The following SEC22A variants were observed in gnomAD, a reference collection of about 807,000 sequenced individuals.
SEC22A encodes the protein vesicle-trafficking protein SEC22a.
SEC22A carries 22 observed loss-of-function variants against 35.3 expected under a neutral mutation model. The observed-to-expected ratio is 0.62, with a 90% confidence interval of 0.45 to 0.89. SEC22A has a LOEUF of 0.89. Ranked by LOEUF, SEC22A falls within the 40% of genes least tolerant of loss-of-function variation. The pLI is 0.00. For missense variants in SEC22A, 354 were observed against 362.5 expected, an observed-to-expected ratio of 0.98 and a Z score of 0.19; for synonymous variants, 119 against 129.5, an observed-to-expected ratio of 0.92 and a Z score of 0.55.
At chr3:123,209,536 A>G (rs2108028069) in intron 2 of SEC22A, 137 bp downstream of exon 2, 1 of 667,128 alleles carries the variant, frequency 1.5e-6, no homozygotes, top group Non-Finnish European at 2.5e-6. Context: ...AACTTATACT[A>G]AATAGTCATC....
chr3:123,216,404 CATG>C (rs1426991072), intron 2 of SEC22A, among the ~76,000 whole-genome samples: 10 of 152,196 alleles, frequency 6.6e-5, no homozygotes, highest in Non-Finnish European at 1.5e-4. Flanking sequence ...CCAAGTCTCT[CATG>C]GTGTAATTAC....
rs753986985 is a variant in SEC22A at position 123,225,231 on chromosome 3, G to T, written c.475G>T (p.Gly159Trp). The T allele has an allele frequency of 6.2e-7, 1 of 1,613,594 alleles. No individual in the cohort carries two copies. The highest frequency in any genetic ancestry group is 2.2e-5 in the East Asian group (1 of 44,882). Residue 159 changes from glycine (G) to tryptophan (W), a missense_variant, in exon 4 of 7, where the codon GGG becomes TGG. By Grantham distance (184) the Gly-to-Trp change is radical (BLOSUM62 -2). Transcript: ENST00000492595. ...TTATCAAATTTCCATGTGCGAACTG[G>T]GGTCAGCCAATGGAGTCACATCAGC... ...PPYQISMCEL[G>W]SANGVTSAFS... is the part of the protein sequence containing the mutation.
Position 123,209,258 on chromosome 3 carries a change from A to T in SEC22A, c.41A>T (p.Asp14Val). 6.2e-7 allele frequency: 1 copy of T among 1,614,084 alleles called. No individual in the cohort carries two copies. Among genetic ancestry groups the T allele is most frequent in the Non-Finnish European group, 8.5e-7 (1 of 1,179,982 alleles). Reference protein sequence around the residue: ...ILSASVIRVRDGLPLSASTDY... With the variant: ...ILSASVIRVRVGLPLSASTDY... ...TCTGCCTCAGTCATTCGTGTCAGAG[A>T]TGGACTGCCACTTTCTGCTTCTACT... Residue 14 changes from aspartate to valine, a missense_variant, in exon 2 of 7, where the codon GAT becomes GTT. Physicochemically the swap from Asp to Val is radical, Grantham distance 152. Transcript: ENST00000492595.
rs74803042 is a variant in SEC22A, at chr3:123,223,255, A to G, written c.183-304A>G. Among the ~76,000 whole-genome samples the G allele has an allele frequency of 9.2e-5, 14 of 152,322 alleles. No homozygotes were observed. The East Asian group carries it at 2.7e-3, about 29-fold the overall frequency. On this transcript the variant is annotated intron_variant, in intron 2 of 6. Transcript: ENST00000492595. ...AGGGTTAGACTTTAAGCTATCTGTA[A>G]TACTTACAATACATTTGTATATCCA...
intron 2 of SEC22A, among the ~76,000 whole-genome samples, chr3:123,212,279 A>G (rs914571081): frequency 1.1e-4 from 17 of 152,170 alleles, no homozygotes; most frequent in African/African-American, 3.9e-4. Context: ...GGGGTTTCTG[A>G]GGGTTTAATT....
At chr3:123,237,646 C>T (rs1471148087) in intron 4 of SEC22A, among the ~76,000 whole-genome samples, 1 of 152,002 alleles carries the variant, frequency 6.6e-6, no homozygotes, top group African/African-American at 2.4e-5. Flanking sequence ...AAAATATATC[C>T]GTTCGTTAAT....
chr3:123,215,710 G>A (rs551435661), intron 2 of SEC22A, among the ~76,000 whole-genome samples: 75 of 152,210 alleles, frequency 4.9e-4, no homozygotes, highest in Admixed American at 2.9e-3. Context: ...TTGGATTCAG[G>A]CATCGCATTA....
chr3:123,249,505 G>A (rs952532365), intron 5 of SEC22A, among the ~76,000 whole-genome samples: 1 of 151,752 alleles, frequency 6.6e-6, no homozygotes, highest in African/African-American at 2.4e-5. Flanking sequence ...GTCAGATACT[G>A]TTTTTTATCA....
chr3:123,263,406 G>A (rs1416311518), intron 6 of SEC22A, among the ~76,000 whole-genome samples: 2 of 152,172 alleles, frequency 1.3e-5, no homozygotes, highest in Non-Finnish European at 2.9e-5. Flanking sequence ...TGGGGGCTCC[G>A]CCCTCATGAC....
At chr3:123,266,472 A>G (rs1938029231) in intron 6 of SEC22A, among the ~76,000 whole-genome samples, 1 of 151,822 alleles carries the variant, frequency 6.6e-6, no homozygotes, top group Non-Finnish European at 1.5e-5. Context: ...ATAAATTTTG[A>G]TATGTTTTAT....
At chr3:123,243,130 C>G (rs1277821564) in intron 4 of SEC22A, among the ~76,000 whole-genome samples, 1 of 151,976 alleles carries the variant, frequency 6.6e-6, no homozygotes, top group African/African-American at 2.4e-5. Flanking sequence ...TAGCAATGCC[C>G]TATAGCAGAA....
chr3:123,203,276 C>T (rs917038084), intron 1 of SEC22A, among the ~76,000 whole-genome samples: 2 of 151,754 alleles, frequency 1.3e-5, no homozygotes, highest in African/African-American at 2.4e-5. Flanking sequence ...GCTTTCTGGG[C>T]TTGAATTTCC....
At chr3:123,265,665 T>C (rs2108107420) in intron 6 of SEC22A, among the ~76,000 whole-genome samples, 1 of 152,316 alleles carries the variant, frequency 6.6e-6, no homozygotes, top group Non-Finnish European at 1.5e-5. Context: ...TTTCTAGACC[T>C]TTTATTATAG....
intron 1 of SEC22A, among the ~76,000 whole-genome samples, chr3:123,202,716 T>C (rs1037276327): frequency 1.2e-4 from 19 of 152,236 alleles, no homozygotes; most frequent in African/African-American, 4.1e-4. Flanking sequence ...ATCATCCACC[T>C]GGGGCAGGGG....
Position 123,273,988 on chromosome 3 carries a change from GCAAGAA to G in SEC22A, c.*2269_*2274del, listed in dbSNP as rs1371773689. ...AATGTTTGGTATTCGGATACATTCAGCAAGAACACTTGAAAACTCCTCACCAACTAT... is the reference window on the plus strand; with the variant it reads ...AATGTTTGGTATTCGGATACATTCAGCACTTGAAAACTCCTCACCAACTAT... On this transcript the variant is annotated 3_prime_UTR_variant, in exon 7 of 7. Coordinates refer to ENST00000492595, the MANE Select transcript of SEC22A (RefSeq NM_012430.5). 6.6e-6 allele frequency: 1 copy of G among 152,176 alleles called. No individual in the cohort carries two copies. 9.4% of individuals were successfully genotyped at this position (152,176 alleles called of 1,614,324 possible). A position where few individuals can be genotyped will look rare whatever the true frequency, so the allele number is the denominator to read the frequency against.
chr3:123,259,947 C>T (rs1937840404), intron 6 of SEC22A, among the ~76,000 whole-genome samples: 2 of 152,006 alleles, frequency 1.3e-5, no homozygotes, highest in South Asian at 2.1e-4. Context: ...AGCTGGCCAA[C>T]ACGGTGAAAC....
chr3:123,209,508 G>A (rs890474871), intron 2 of SEC22A, 109 bp downstream of exon 2: 6 of 824,890 alleles, frequency 7.3e-6, no homozygotes, highest in Admixed American at 2.7e-5. Flanking sequence ...TGTTCAAGTC[G>A]AGCATCATAT....
At chr3:123,254,362 G>A (rs1212895143) in intron 5 of SEC22A, among the ~76,000 whole-genome samples, 1 of 152,100 alleles carries the variant, frequency 6.6e-6, no homozygotes, top group Non-Finnish European at 1.5e-5. Context: ...TTTGTTTTCA[G>A]AGCAATACAT....
rs948774184 is a variant in SEC22A at position 123,273,071 on chromosome 3, T to C, written c.*1349T>C. 6.5e-6 allele frequency: 1 copy of C among 153,484 alleles called. No individual in the cohort carries two copies. The highest frequency in any genetic ancestry group is 2.4e-5 in the African/African-American group (1 of 41,468). The allele number at this position is 153,484 out of a possible 1,614,324, so 9.5% of individuals were successfully genotyped here. A position where few individuals can be genotyped will look rare whatever the true frequency, so the allele number is the denominator to read the frequency against. The stretch of plus-strand genomic sequence containing the variant: ...CATCTTCATGGGTGATTTTCCTTTG[T>C]TTTTTAAAGAAAATATTTCAAACAA... On this transcript the variant is annotated 3_prime_UTR_variant, in exon 7 of 7. Coordinates refer to ENST00000492595, the MANE Select transcript of SEC22A (RefSeq NM_012430.5).
Sources: allele counts gnomAD v4.1 joint callset (sites outside exome capture counted in the v4.1 genomes callset), GRCh38; gene constraint gnomAD v4.1.1; transcripts MANE v1.5; gene names NCBI Gene and HGNC (gene_info 2026-07-23, HGNC 2026-07-21).